The following AMMECR1 variants were observed in gnomAD, a reference collection of about 807,000 sequenced individuals.
AMMECR1 encodes the protein AMMECR nuclear protein 1.
In AMMECR1, 3 loss-of-function variants were observed where a neutral mutation model predicts 22.5. The ratio of observed to expected loss-of-function variants is 0.13; its 90% CI spans 0.06 to 0.35. AMMECR1 has a LOEUF of 0.35. AMMECR1 is among the 10% of genes least tolerant of loss of function. The pLI is 1.00. For synonymous variants in AMMECR1, 130 were observed against 116.7 expected (o/e 1.11, Z -0.74); for missense variants, 235 against 278.7 (o/e 0.84, Z 1.12).
At chrX:110,232,692 C>G (rs896768668) in intron 2 of AMMECR1, among the ~76,000 whole-genome samples, 6 of 109,218 alleles carry the variant, frequency 5.5e-5, no homozygotes, top group African/African-American at 1.7e-4. Context: ...AGATCGAGAC[C>G]ATCCCGGCTA....
At chrX:110,404,390 G>T (rs976686317) in intron 2 of AMMECR1, among the ~76,000 whole-genome samples, 1 of 111,492 alleles carries the variant, frequency 9.0e-6, no homozygotes, top group Admixed American at 9.6e-5. Flanking sequence ...GGTTTCTATG[G>T]TGCTTTTCCG....
At chrX:110,221,501 G>A (rs926621414) in intron 2 of AMMECR1, among the ~76,000 whole-genome samples, 1 of 111,858 alleles carries the variant, frequency 8.9e-6, no homozygotes, top group Admixed American at 9.5e-5. Context: ...AAGGAAGGAG[G>A]AAAGGTGCCT....
chrX:110,437,338 C>A, intron 1 of AMMECR1, among the ~76,000 whole-genome samples: 1 of 112,227 alleles, frequency 8.9e-6, no homozygotes, highest in East Asian at 2.8e-4. Flanking sequence ...TAAGCATTTC[C>A]TTTGTACTGG....
chrX:110,211,327 T>A (rs1377540953), intron 3 of AMMECR1, among the ~76,000 whole-genome samples: 1 of 112,434 alleles, frequency 8.9e-6, no homozygotes, highest in Non-Finnish European at 1.9e-5. Context: ...AAAAGTTTAT[T>A]CATTTATATC....
intron 1 of AMMECR1, among the ~76,000 whole-genome samples, chrX:110,311,373 G>C: frequency 9.0e-6 from 1 of 111,683 alleles, no homozygotes; most frequent in Middle Eastern, 4.7e-3. Flanking sequence ...ATATTGCTTT[G>C]TAAGTATTTC....
At chrX:110,370,339 G>A (rs898947329) in intron 2 of AMMECR1, among the ~76,000 whole-genome samples, 1 of 111,456 alleles carries the variant, frequency 9.0e-6, no homozygotes, top group African/African-American at 3.3e-5. Context: ...CTCCCCAGTA[G>A]CTAGGATTAC....
chrX:110,388,745 T>A (rs1431101410), intron 2 of AMMECR1, among the ~76,000 whole-genome samples: 1 of 111,818 alleles, frequency 8.9e-6, no homozygotes, highest in East Asian at 2.8e-4. Flanking sequence ...TCTCAGGTGA[T>A]GCTGATGCTC....
intron 1 of AMMECR1, among the ~76,000 whole-genome samples, chrX:110,291,305 T>C (rs1445787334): frequency 9.0e-6 from 1 of 110,870 alleles, no homozygotes; most frequent in Non-Finnish European, 1.9e-5. Context: ...GGCAGATCAC[T>C]TGGGGTCAGG....
At chrX:110,369,070 C>T (rs770646217) in intron 2 of AMMECR1, among the ~76,000 whole-genome samples, 9 of 112,143 alleles carry the variant, frequency 8.0e-5, no homozygotes, top group African/African-American at 1.3e-4. Flanking sequence ...CGGTGGCTCA[C>T]GCCTGTAATC....
intron 1 of AMMECR1, among the ~76,000 whole-genome samples, chrX:110,291,452 G>C (rs988929940): frequency 9.0e-6 from 1 of 111,346 alleles, no homozygotes; most frequent in African/African-American, 3.3e-5. Context: ...CTTGAAACTG[G>C]AAGGCAGAGG....
chrX:110,369,053 C>T (rs76045560), intron 2 of AMMECR1, among the ~76,000 whole-genome samples: 6,715 of 112,159 alleles, frequency 0.06, 474 homozygotes, highest in African/African-American at 0.21. Context: ...ATCTTTGTGG[C>T]TGTGTGCGGT....
intron 1 of AMMECR1, among the ~76,000 whole-genome samples, chrX:110,287,019 A>G (rs1051920365): frequency 1.8e-5 from 2 of 112,186 alleles, no homozygotes; most frequent in Non-Finnish European, 3.8e-5. Flanking sequence ...TCTTACTGCC[A>G]ATGATTCTGT....
At chrX:110,432,123 A>C (rs2148332157) in intron 1 of AMMECR1, among the ~76,000 whole-genome samples, 1 of 112,177 alleles carries the variant, frequency 8.9e-6, no homozygotes, top group Admixed American at 9.3e-5. Flanking sequence ...GAGAAGAGTT[A>C]AGAGGGGATC....
At chrX:110,312,046 T>G (rs994979282) in intron 1 of AMMECR1, among the ~76,000 whole-genome samples, 7 of 112,491 alleles carry the variant, frequency 6.2e-5, no homozygotes, top group Non-Finnish European at 1.3e-4. Context: ...AAAATTTAAA[T>G]GTAAAAGCCC....
intron 3 of AMMECR1, among the ~76,000 whole-genome samples, chrX:110,212,452 G>A (rs897625085): frequency 8.9e-6 from 1 of 111,810 alleles, no homozygotes; most frequent in African/African-American, 3.3e-5. Context: ...ACCAGTGGGG[G>A]TCAATTCTCA....
chrX:110,410,050 G>C (rs765028446), intron 2 of AMMECR1, among the ~76,000 whole-genome samples: 1 of 111,887 alleles, frequency 8.9e-6, no homozygotes, highest in Non-Finnish European at 1.9e-5. Flanking sequence ...CAGTATCACT[G>C]GTGATTTTGA....
chrX:110,288,596 A>G (rs1257093220), intron 1 of AMMECR1, among the ~76,000 whole-genome samples: 1 of 112,089 alleles, frequency 8.9e-6, no homozygotes, highest in East Asian at 2.8e-4. Flanking sequence ...CTCCAAATTC[A>G]TTAGAAATGG....
At chrX:110,260,446 G>C (rs2067734314) in intron 2 of AMMECR1, among the ~76,000 whole-genome samples, 1 of 110,282 alleles carries the variant, frequency 9.1e-6, no homozygotes, top group Non-Finnish European at 1.9e-5. Context: ...ACTTAATTCA[G>C]GATAGGCATT....
intron 2 of AMMECR1, among the ~76,000 whole-genome samples, chrX:110,411,601 T>C (rs1276426546): frequency 8.9e-6 from 1 of 112,050 alleles, no homozygotes. Flanking sequence ...ATGATAGATT[T>C]GACTATGCAA....
Sources: allele counts gnomAD v4.1 joint callset (sites outside exome capture counted in the v4.1 genomes callset), GRCh38; gene constraint gnomAD v4.1.1; transcripts MANE v1.5; gene names NCBI Gene and HGNC (gene_info 2026-07-23, HGNC 2026-07-21).